Variants in MUC5B observed in about 807,000 individuals in gnomAD.
MUC5B encodes the protein mucin-5B.
A neutral mutation model predicts 376.9 loss-of-function variants in MUC5B; 116 were observed. That is an observed-to-expected ratio of 0.31 (90% CI 0.26 to 0.36). The LOEUF (loss-of-function observed/expected upper bound fraction) is 0.36, where lower values mean the gene tolerates loss of function less well. Ranked by LOEUF, MUC5B falls within the 10% of genes least tolerant of loss-of-function variation. The pLI, the probability that MUC5B is intolerant of heterozygous loss-of-function variation, is 1.00. For synonymous variants in MUC5B, 3,517 were observed against 3,390.9 expected (o/e 1.04, Z -1.29); for missense variants, 7,165 against 7,769.9 (o/e 0.92, Z 2.93).
rs375860298 is a variant in MUC5B, at chr11:1,247,334, C to G, written c.10454C>G (p.Thr3485Arg). The G allele has an allele frequency of 2.5e-6, 4 of 1,611,328 alleles. No individual in the cohort carries two copies. The African/African-American group carries it at 4.0e-5, about 16-fold the overall frequency. Residue 3485 changes from threonine (T) to arginine (R), a missense_variant, in exon 31 of 49, where the codon ACA becomes AGA. Physicochemically the swap from Thr to Arg is moderately conservative, Grantham distance 71 (BLOSUM62 -1). Coordinates refer to ENST00000529681, the MANE Select transcript of MUC5B (RefSeq NM_002458.3). The part of the protein sequence containing the change: ...TSGILGTTHI[T>R]EPSTVTSHTP... Reference sequence around the variant, plus strand: ...GGCATCTTGGGCACCACCCACATCACAGAGCCTTCCACGGTGACTTCCCAC... The same window carrying G: ...GGCATCTTGGGCACCACCCACATCAGAGAGCCTTCCACGGTGACTTCCCAC...
chr11:1,259,703 G>C (rs1266125594), intron 44 of MUC5B, 53 bp from the exon 45 acceptor site: 1 of 1,587,374 alleles, frequency 6.3e-7, no homozygotes, highest in Non-Finnish European at 8.6e-7. Context: ...GGCTGGGCCG[G>C]GGCATGTGCT....
Position 1,238,721 on chromosome 11 carries a change from G to A in MUC5B, c.3298-150G>A, listed in dbSNP as rs959592751. 7 of 858,874 alleles carry A rather than the reference G, an allele frequency of 8.2e-6. No homozygotes were observed. The Admixed American group carries it at 9.7e-5, about 12-fold the overall frequency. The allele number at this position is 858,874 out of a possible 1,614,324, so 53.2% of individuals were successfully genotyped here. A position where few individuals can be genotyped will look rare whatever the true frequency, so the allele number is the denominator to read the frequency against. The stretch of plus-strand genomic sequence containing the variant: ...CTGGGGCAGCTCCCATTTGGGGCAC[G>A]CTCTGAGGTATTCCAGGCCCCAGGA... On this transcript the variant is annotated intron_variant, in intron 25 of 48. Transcript: ENST00000529681.
chr11:1,227,159 C>T lies in MUC5B; in HGVS notation c.576+14C>T, dbSNP rs1861906368. 1 of 1,606,624 alleles carries T rather than the reference C, an allele frequency of 6.2e-7. No individual in the cohort carries two copies. Among genetic ancestry groups the T allele is most frequent in the African/African-American group, 1.3e-5 (1 of 74,954 alleles). ...GACAGTGCCCTGGTGAGGAAGCCCCCTCGCCCCTTGCCCCTTCAGGCCTGG... is the reference window on the plus strand; with the variant it reads ...GACAGTGCCCTGGTGAGGAAGCCCCTTCGCCCCTTGCCCCTTCAGGCCTGG... On this transcript the variant is annotated intron_variant, in intron 5 of 48. Coordinates refer to ENST00000529681, the MANE Select transcript of MUC5B (RefSeq NM_002458.3).
rs776943472 is a variant in MUC5B, at chr11:1,243,134, C to G, written c.6254C>G (p.Thr2085Ser). 7.5e-6 allele frequency: 12 copies of G among 1,610,220 alleles called. No homozygotes were observed. In the Middle Eastern group the frequency reaches 5.9e-4, roughly 79 times the overall value. The part of the protein sequence containing the change: ...VWISTTTTPT[T>S]RGSTVTPSSI... ...ATCAGCACAACCACCACACCCACAA[C>G]CAGAGGCTCCACGGTGACCCCCTCC... is the stretch of plus-strand genomic sequence containing the variant. The change falls in exon 31 of 49, where the codon ACC becomes AGC. Residue 2085 changes from threonine (T) to serine (S), a missense_variant. Transcript: ENST00000529681.
Position 1,260,714 on chromosome 11 carries a change from C to T in MUC5B, c.17055C>T (p.Cys5685=). Residue 5685 remains cysteine, a synonymous_variant, in exon 48 of 49, where the codon TGC becomes TGT. Transcript: ENST00000529681. ...ACATCACCTTCTGCGAGGGCTCCTG[C>T]CCCGGAGCGTCCAAGTGAGTGGGCT... ...EVNITFCEGS[C]PGASKYSAEA... is the part of the protein sequence containing the mutation. 3 of 1,610,416 alleles carry T rather than the reference C, an allele frequency of 1.9e-6. No individual in the cohort carries two copies. The highest frequency in any genetic ancestry group is 1.7e-5 in the Admixed American group (1 of 59,832).
Position 1,258,217 on chromosome 11 carries a change from G to A in MUC5B, c.16555+14G>A. ...CCTTCCGCTGCAGTGAGCGGGGCTG[G>A]GGCCGGGCTCCTGGGTGGCCTCTTG... is the stretch of plus-strand genomic sequence containing the variant. On this transcript the variant is annotated intron_variant, in intron 42 of 48. Coordinates refer to ENST00000529681, the MANE Select transcript of MUC5B (RefSeq NM_002458.3). The surrounding 1 kb of genome is among the most constrained non-coding windows in gnomAD (Gnocchi z 5.5). The A allele has an allele frequency of 6.3e-7, 1 of 1,577,494 alleles. No homozygotes were observed. The highest frequency in any genetic ancestry group is 1.2e-5 in the South Asian group (1 of 86,700).
In MUC5B at chr11:1,236,995, C is replaced by T. The variant is rs765314024; in HGVS notation, c.3128C>T (p.Ser1043Phe). 1.9e-6 allele frequency: 3 copies of T among 1,572,064 alleles called. No individual in the cohort carries two copies. ...AINDFATRSR[S>F]VVGDALEFGN... ...AATGACTTTGCCACGCGTAGCCGGT[C>T]CGTGGTGGGGGACGCACTGGAGTTT... The change falls in exon 25 of 49, where the codon TCC becomes TTC. Residue 1043 changes from serine to phenylalanine, a missense_variant. Ser to Phe is a radical substitution (Grantham distance 155). Around this residue, in one of 31 missense-constraint regions of MUC5B, gnomAD observed 143 missense variants for 193.2 expected, o/e 0.74. Coordinates refer to ENST00000529681, the MANE Select transcript of MUC5B (RefSeq NM_002458.3).
In MUC5B at chr11:1,242,985, T is replaced by G. The variant is rs1364501728; in HGVS notation, c.6105T>G (p.Ser2035=). 1 of 1,609,564 alleles carries G rather than the reference T, an allele frequency of 6.2e-7. No homozygotes were observed. Among genetic ancestry groups the G allele is most frequent in the Non-Finnish European group, 8.5e-7 (1 of 1,178,410 alleles). The change falls in exon 31 of 49, where the codon TCT becomes TCG. Residue 2035 remains serine, a synonymous_variant. Transcript: ENST00000529681. ...ATATTTGATG[S]VATPSSTPGT... is the part of the protein sequence containing the mutation. ...CCACCACAACTGGGGCCACCGGCTC[T>G]GTGGCCACCCCCTCCTCCACCCCAG...
chr11:1,231,973 C>T, intron 14 of MUC5B, 23 bp from the exon 15 acceptor site: 1 of 1,612,172 alleles, frequency 6.2e-7, no homozygotes, highest in Admixed American at 1.7e-5. Flanking sequence ...TGGCCGCTGA[C>T]ATCCCCCAAC....
Position 1,250,115 on chromosome 11 carries a change from C to A in MUC5B, c.13235C>A (p.Ser4412Tyr). Residue 4412 changes from serine to tyrosine, a missense_variant, in exon 31 of 49, where the codon TCC becomes TAC. Transcript: ENST00000529681. ...GCCACTGGCCCCACGGCCACCCCGT[C>A]CTCCACCCCAGGGACCACCTGGATC... The part of the protein sequence containing the change: ...TAATGPTATP[S>Y]STPGTTWILT... 1.3e-6 allele frequency: 2 copies of A among 1,594,660 alleles called. No homozygotes were observed. The highest frequency in any genetic ancestry group is 1.1e-5 in the South Asian group (1 of 88,374).
Position 1,258,410 on chromosome 11 carries a change from CAT to C in MUC5B, c.16593+44_16593+45del, listed in dbSNP as rs775576197. 251 of 1,606,326 alleles carry C rather than the reference CAT, an allele frequency of 1.6e-4. No individual in the cohort carries two copies. The highest frequency in any genetic ancestry group is 2.0e-4 in the Non-Finnish European group (236 of 1,176,396). The stretch of plus-strand genomic sequence containing the variant: ...GGTGGGTGTGGCCCTGGGGCCTGAA[CAT>C]GTGTGTGGGATGCCCCGGGGCTCTC... On this transcript the variant is annotated intron_variant, in intron 43 of 48. Transcript: ENST00000529681. This position sits in a 1 kb window ranked among gnomAD's most constrained non-coding sequence, Gnocchi z 5.5.
At position 1,254,122 on chromosome 11, in the gene MUC5B, A is replaced by G. The variant is rs1190278127; in HGVS notation, c.15248A>G (p.Tyr5083Cys). 6.2e-7 allele frequency: 1 copy of G among 1,612,596 alleles called. No homozygotes were observed. ...CICSMWGGSHYSTFDGTSYTF... is the reference protein window; with the variant it reads ...CICSMWGGSHCSTFDGTSYTF... ...TGCAGCATGTGGGGCGGCTCCCACT[A>G]TTCCACCTTTGACGGCACCTCTTAC... Residue 5083 changes from tyrosine (Y) to cysteine (C), a missense_variant, in exon 34 of 49, where the codon TAT becomes TGT. Physicochemically the swap from Tyr to Cys is radical, Grantham distance 194. Transcript: ENST00000529681.
At position 1,258,374 on chromosome 11, in the gene MUC5B, G is replaced by A. The variant is rs930493574; in HGVS notation, c.16593+7G>A. On this transcript the variant is annotated splice_region_variant and intron_variant, in intron 43 of 48. Transcript: ENST00000529681. This position sits in a 1 kb window ranked among gnomAD's most constrained non-coding sequence, Gnocchi z 5.5. ...CAATGGCACCTTCTACGGGGTAAGG[G>A]CACAGCAGTGGGTGGGTGTGGCCCT... 3.1e-6 allele frequency: 5 copies of A among 1,611,866 alleles called. No individual in the cohort carries two copies. The South Asian group carries it at 5.5e-5, about 18-fold the overall frequency.
At chr11:1,231,927 G>A (rs1862037093) in intron 14 of MUC5B, 69 bp from the exon 15 acceptor site, 4 of 1,595,880 alleles carry the variant, frequency 2.5e-6, no homozygotes, top group Non-Finnish European at 3.4e-6. Context: ...GTGCCTGGAG[G>A]GATGGCAGGG....
In MUC5B at chr11:1,230,895, T is replaced by C. The variant is rs1385613610; in HGVS notation, c.1471-41T>C. ...CCCTCATTTGAGAGTCGGGAATGGG[T>C]TCCTCCCCAGAGCTGACCTCCCGCC... On this transcript the variant is annotated intron_variant, in intron 12 of 48. Coordinates refer to ENST00000529681, the MANE Select transcript of MUC5B (RefSeq NM_002458.3). 3.2e-6 allele frequency: 5 copies of C among 1,554,788 alleles called. No homozygotes were observed. The South Asian group carries it at 4.7e-5, about 15-fold the overall frequency.
Position 1,246,293 on chromosome 11 carries a change from T to A in MUC5B, c.9413T>A (p.Leu3138Gln), listed in dbSNP as rs1444779341. 3 of 1,605,668 alleles carry A rather than the reference T, an allele frequency of 1.9e-6. No homozygotes were observed. The highest frequency in any genetic ancestry group is 2.3e-5 in the East Asian group (1 of 44,032). The change falls in exon 31 of 49, where the codon CTG (leucine) becomes CAG (glutamine). Residue 3138 changes from leucine (L) to glutamine (Q), a missense_variant. Coordinates refer to ENST00000529681, the MANE Select transcript of MUC5B (RefSeq NM_002458.3). ...TPGTTWILTE[L>Q]TTAATTTAAT... is the part of the protein sequence containing the mutation. ...GGGACGACCTGGATCCTCACAGAGC[T>A]GACCACAGCAGCCACTACAACTGCA...
At chr11:1,254,454 G>A in intron 34 of MUC5B, 103 bp downstream of exon 34, 3 of 1,489,268 alleles carry the variant, frequency 2.0e-6, no homozygotes, top group East Asian at 4.8e-5. Flanking sequence ...CGATGGCCCA[G>A]TGCCCAAGAC....
chr11:1,248,793 T>C lies in MUC5B; in HGVS notation c.11913T>C (p.Pro3971=), dbSNP rs367905040. The change falls in exon 31 of 49, where the codon CCT becomes CCC. Residue 3971 remains proline (P), a synonymous_variant. Transcript: ENST00000529681. ...CCTCCTCAACTCCAGGGACAACACC[T>C]ATCCCCCCAGTGCTGACCACCACCG... ...TNPSSTPGTT[P]IPPVLTTTAT... 0.03 allele frequency: 46,125 copies of C among 1,532,500 alleles called. 959 individuals carry two copies. Among genetic ancestry groups the C allele is most frequent in the Non-Finnish European group, 0.033 (37,347 of 1,140,614 alleles). The allele number at this position is 1,532,500 out of a possible 1,614,324, so 94.9% of individuals were successfully genotyped here.
chr11:1,261,504 T>C lies in MUC5B; in HGVS notation c.17185T>C (p.Tyr5729His). 6.2e-7 allele frequency: 1 copy of C among 1,602,080 alleles called. No individual in the cohort carries two copies. The stretch of plus-strand genomic sequence containing the variant: ...TAACGGCTCAGCCATCCTGCACACC[T>C]ACACCCACGTGGATGAGTGTGGCTG... ...CPNGSAILHT[Y>H]THVDECGCTP... The change falls in exon 49 of 49, where the codon TAC becomes CAC. Residue 5729 changes from tyrosine (Y) to histidine (H), a missense_variant. Transcript: ENST00000529681.
Sources: gnomAD v4.1 joint callset for allele counts on GRCh38, gnomAD v4.1.1 for gene constraint, gnomAD v4.1.1 regional missense constraint, Gnocchi (gnomAD v3.1) non-coding constraint, MANE v1.5 for transcripts, NCBI Gene and HGNC (gene_info 2026-07-23, HGNC 2026-07-21) for gene names.